Variants in CHL1 observed in about 807,000 individuals in gnomAD.
The protein encoded by CHL1 is cell adhesion molecule L1 like.
A neutral mutation model predicts 141.9 loss-of-function variants in CHL1; 96 were observed. That is an observed-to-expected ratio of 0.68 (90% confidence interval 0.57 to 0.80). The LOEUF is 0.80. CHL1 is among the 30% of genes least tolerant of loss of function. The pLI is 0.00. For missense variants in CHL1, 1,820 were observed against 1,457.2 expected (o/e 1.25, Z -4.05); for synonymous variants, 613 against 502.2 (o/e 1.22, Z -2.95).
chr3:335,646 G>T (rs1701805396), intron 5 of CHL1, among the ~76,000 whole-genome samples: 1 of 152,158 alleles, frequency 6.6e-6, no homozygotes, highest in Admixed American at 6.5e-5. Flanking sequence ...AAGCTTTTTG[G>T]TATAGGAAGA....
chr3:337,486 A>G (rs1701984638), intron 5 of CHL1, among the ~76,000 whole-genome samples: 1 of 151,960 alleles, frequency 6.6e-6, no homozygotes, highest in South Asian at 2.1e-4. Flanking sequence ...CATTTACATT[A>G]GGTATGTCTC....
chr3:227,276 C>CA (rs1197646494), intron 1 of CHL1, among the ~76,000 whole-genome samples: 2 of 152,052 alleles, frequency 1.3e-5, no homozygotes, highest in Non-Finnish European at 2.9e-5. Flanking sequence ...ACACAAGGAA[C>CA]AAAAAATGAT....
At chr3:312,642 A>G (rs1575036595) in intron 2 of CHL1, among the ~76,000 whole-genome samples, 1 of 152,322 alleles carries the variant, frequency 6.6e-6, no homozygotes, top group East Asian at 1.9e-4. Flanking sequence ...CCTGATAATC[A>G]CATAAAAAGG....
chr3:319,806 A>G lies in CHL1; in HGVS notation c.30A>G (p.Leu10=). The change falls in exon 3 of 28, where the codon CTA becomes CTG. Residue 10 remains leucine (L), a synonymous_variant. Coordinates refer to ENST00000256509, the MANE Select transcript of CHL1 (RefSeq NM_006614.4). MEPLLLGRG[L]IVYLMFLLLK... Reference sequence around the variant, plus strand: ...AGCCGCTTTTACTTGGAAGAGGACTAATCGTATATCTAATGTTCCTCCTGT... The same window carrying G: ...AGCCGCTTTTACTTGGAAGAGGACTGATCGTATATCTAATGTTCCTCCTGT... 6.2e-7 allele frequency: 1 copy of G among 1,609,022 alleles called. No individual in the cohort carries two copies. The highest frequency in any genetic ancestry group is 8.5e-7 in the Non-Finnish European group (1 of 1,176,802).
At chr3:328,671 C>T (rs1049790579) in intron 5 of CHL1, among the ~76,000 whole-genome samples, 1 of 152,060 alleles carries the variant, frequency 6.6e-6, no homozygotes, top group Admixed American at 6.6e-5. Flanking sequence ...TAATAGATAA[C>T]CCCAAAACCT....
In CHL1 at chr3:287,414, G is replaced by T. The variant is rs1051753584; in HGVS notation, c.-94-32269G>T. 3.9e-5 allele frequency among the ~76,000 whole-genome samples: 6 copies of T among 152,244 alleles called. No homozygotes were observed. The East Asian group carries it at 1.2e-3, about 29-fold the overall frequency. On this transcript the variant is annotated intron_variant, in intron 2 of 27. Transcript: ENST00000256509. ...ACCTGATAGGTTTACACATTCGATT[G>T]TCTTTTCACCTGCTCTTATATAAAT...
chr3:315,562 A>G (rs1230046575), intron 2 of CHL1, among the ~76,000 whole-genome samples: 3 of 152,238 alleles, frequency 2.0e-5, no homozygotes, highest in East Asian at 1.9e-4. Flanking sequence ...TATAATACTC[A>G]TGATGTGTAT....
rs1702610354 is a variant in CHL1 at position 344,651 on chromosome 3, T to C, written c.790T>C (p.Ser264Pro). The C allele has an allele frequency of 6.2e-7, 1 of 1,612,972 alleles. No individual in the cohort carries two copies. Among genetic ancestry groups the C allele is most frequent in the Non-Finnish European group, 8.5e-7 (1 of 1,179,440 alleles). The change falls in exon 9 of 28, where the codon TCT (serine) becomes CCT (proline). Residue 264 changes from serine (S) to proline (P), a missense_variant. Ser to Pro is a moderately conservative substitution (Grantham distance 74). Transcript: ENST00000256509. ...LLPPTESGSESSITILKGEIL... is the reference protein window; with the variant it reads ...LLPPTESGSEPSITILKGEIL... ...GCCTCCCACTGAGAGTGGCAGTGAG[T>C]CTTCAATTACCATCCTCAAAGGGGA...
intron 1 of CHL1, among the ~76,000 whole-genome samples, chr3:200,120 T>A (rs1236182342): frequency 6.6e-6 from 1 of 152,240 alleles, no homozygotes; most frequent in East Asian, 1.9e-4. Context: ...CCAGGAGCTT[T>A]GGCATTAAAT....
At chr3:382,155 A>T in intron 16 of CHL1, 24 bp from the exon 17 acceptor site, 2 of 1,586,238 alleles carry the variant, frequency 1.3e-6, no homozygotes, top group Non-Finnish European at 1.7e-6. Context: ...AATTATCTAC[A>T]TTTTCCCTTC....
chr3:311,361 C>T (rs1371904723), intron 2 of CHL1, among the ~76,000 whole-genome samples: 6 of 147,696 alleles, frequency 4.1e-5, no homozygotes, highest in African/African-American at 1.3e-4. Context: ...ATTGACCACA[C>T]AACTTTTTTT....
intron 2 of CHL1, among the ~76,000 whole-genome samples, chr3:311,835 C>T (rs892817838): frequency 6.6e-6 from 1 of 152,252 alleles, no homozygotes; most frequent in East Asian, 1.9e-4. Flanking sequence ...ATAGTCCCTA[C>T]AGGAATTTCA....
chr3:324,581 G>A (rs1385240630), intron 3 of CHL1, among the ~76,000 whole-genome samples: 3 of 151,220 alleles, frequency 2.0e-5, no homozygotes, highest in South Asian at 2.1e-4. Context: ...TGCTCTACTA[G>A]GTGAGAGGCA....
chr3:249,857 T>A (rs1406391572), intron 2 of CHL1, among the ~76,000 whole-genome samples: 1 of 152,100 alleles, frequency 6.6e-6, no homozygotes. Context: ...GCTCCCTAAC[T>A]CTGTATGAAT....
chr3:347,873 T>G (rs1215277632), intron 9 of CHL1, among the ~76,000 whole-genome samples: 1 of 152,186 alleles, frequency 6.6e-6, no homozygotes, highest in Non-Finnish European at 1.5e-5. Flanking sequence ...AAGATTATTA[T>G]TCCAGGCTGC....
intron 9 of CHL1, among the ~76,000 whole-genome samples, chr3:348,586 T>A (rs899996225): frequency 6.6e-6 from 1 of 152,228 alleles, no homozygotes; most frequent in Non-Finnish European, 1.5e-5. Context: ...CAGTCCTTTT[T>A]TCCTCCTTAC....
At chr3:213,780 A>G (rs1344608349) in intron 1 of CHL1, 2 of 152,214 alleles carry the variant, frequency 1.3e-5, no homozygotes, top group African/African-American at 2.4e-5. Flanking sequence ...TTCAATTGCA[A>G]TGATTATTTC....
At position 246,857 on chromosome 3, in the gene CHL1, T is replaced by C. The variant is rs1238321023; in HGVS notation, c.-95+2165T>C. 3.3e-5 allele frequency: 5 copies of C among 152,226 alleles called. No homozygotes were observed. In the East Asian group the frequency reaches 9.7e-4, roughly 29 times the overall value. 9.4% of individuals were successfully genotyped at this position (152,226 alleles called of 1,614,324 possible). On this transcript the variant is annotated intron_variant, in intron 2 of 27. Coordinates refer to ENST00000256509, the MANE Select transcript of CHL1 (RefSeq NM_006614.4). ...ATTTATCCAAAAGCGATGTTATCCA[T>C]GCATCTTAACAGAAGGCTTAAGTAG...
chr3:322,253 A>G (rs1047733148), intron 3 of CHL1, among the ~76,000 whole-genome samples: 1 of 152,060 alleles, frequency 6.6e-6, no homozygotes, highest in Admixed American at 6.6e-5. Context: ...GCTAATATCC[A>G]TAACCTGGTA....
Sources: gnomAD v4.1 joint callset for allele counts (sites outside exome capture counted in the v4.1 genomes callset) on GRCh38, gnomAD v4.1.1 for gene constraint, MANE v1.5 for transcripts, NCBI Gene and HGNC (gene_info 2026-07-23, HGNC 2026-07-21) for gene names.